DNAH17: variants seen among roughly 807,000 people sequenced by gnomAD.
DNAH17 encodes axonemal beta dynein heavy chain 17.
In DNAH17, 376 loss-of-function variants were observed where a neutral mutation model predicts 485.6. That is an observed-to-expected ratio of 0.77 (90% confidence interval 0.71 to 0.84). DNAH17 has a LOEUF of 0.84. Ranked by LOEUF, DNAH17 falls within the 40% of genes least tolerant of loss-of-function variation. The probability of loss-of-function intolerance (pLI) is 0.00; values close to 1 mark genes in which losing one functional copy is unlikely to be tolerated. For missense variants in DNAH17, 6,370 were observed against 5,839.3 expected, an observed-to-expected ratio of 1.09 and a Z score of -2.96; for synonymous variants, 3,031 against 2,405.9, an observed-to-expected ratio of 1.26 and a Z score of -7.60.
At chr17:78,519,689 G>A (rs1484430904) in intron 25 of DNAH17, among the ~76,000 whole-genome samples, 1 of 152,090 alleles carries the variant, frequency 6.6e-6, no homozygotes, top group Non-Finnish European at 1.5e-5. Context: ...CAATTTAGAA[G>A]AAATAAACCA....
At position 78,475,409 on chromosome 17, in the gene DNAH17, G is replaced by A. The variant is rs757513565; in HGVS notation, c.8380C>T (p.Arg2794Trp). 1.7e-5 allele frequency: 28 copies of A among 1,613,702 alleles called. No homozygotes were observed. The highest frequency in any genetic ancestry group is 1.1e-4 in the East Asian group (5 of 44,892). The change falls in exon 54 of 81, where the codon CGG (arginine) becomes TGG (tryptophan). Residue 2794 changes from arginine (R) to tryptophan (W), a missense_variant. Coordinates refer to ENST00000389840, the MANE Select transcript of DNAH17 (RefSeq NM_173628.4). Reference sequence around the variant, plus strand: ...ACCCCCACCAGCAGGGCATTCCCCCGGGGAGACTCCAGGATGCGATTAATC... The same window carrying A: ...ACCCCCACCAGCAGGGCATTCCCCCAGGGAGACTCCAGGATGCGATTAATC... ...CRINRILESP[R>W]GNALLVGVGG...
Position 78,576,582 on chromosome 17 carries a change from G to A in DNAH17, c.-26+713C>T, listed in dbSNP as rs183649541. On this transcript the variant is annotated intron_variant, in intron 1 of 80. Coordinates refer to ENST00000389840, the MANE Select transcript of DNAH17 (RefSeq NM_173628.4). Reference sequence around the variant, plus strand: ...GAATTAATCTCCACCCAGGATCTCCGAGACCCGGGGACGCGTCACGTCGTC... The same window carrying A: ...GAATTAATCTCCACCCAGGATCTCCAAGACCCGGGGACGCGTCACGTCGTC... Among the ~76,000 whole-genome samples, 54 of 152,264 alleles carry A rather than the reference G, an allele frequency of 3.5e-4. 1 individual carries two copies. Among genetic ancestry groups the A allele is most frequent in the Non-Finnish European group, 7.9e-4 (54 of 68,028 alleles).
At chr17:78,562,638 A>G (rs1363613135) in intron 11 of DNAH17, among the ~76,000 whole-genome samples, 1 of 152,198 alleles carries the variant, frequency 6.6e-6, no homozygotes, top group Non-Finnish European at 1.5e-5. Flanking sequence ...AAACAAACCC[A>G]AAACAACTCC....
intron 19 of DNAH17, among the ~76,000 whole-genome samples, chr17:78,534,099 G>A (rs1239759181): frequency 6.6e-6 from 1 of 152,250 alleles, no homozygotes; most frequent in Non-Finnish European, 1.5e-5. Context: ...CTGGGGGCAT[G>A]CATATGCAAA....
intron 30 of DNAH17, 133 bp downstream of exon 30, chr17:78,506,587 A>C: frequency 7.4e-7 from 1 of 1,343,454 alleles, no homozygotes; most frequent in Non-Finnish European, 1.0e-6. Flanking sequence ...CTTCTGGTGC[A>C]GAGGGCCTCC....
intron 14 of DNAH17, 146 bp from the exon 15 acceptor site, chr17:78,552,951 G>T: frequency 3.1e-6 from 2 of 641,678 alleles, no homozygotes; most frequent in Middle Eastern, 4.3e-4. Flanking sequence ...GTAATCCCCA[G>T]TGTTGGAGGT....
chr17:78,552,625 G>A, intron 15 of DNAH17, 72 bp downstream of exon 15: 1 of 1,103,848 alleles, frequency 9.1e-7, no homozygotes, highest in Non-Finnish European at 1.4e-6. Flanking sequence ...CTCTAGTGGT[G>A]TTTGAGGACA....
At chr17:78,452,899 G>T (rs2087615519) in intron 65 of DNAH17, among the ~76,000 whole-genome samples, 1 of 152,276 alleles carries the variant, frequency 6.6e-6, no homozygotes, top group East Asian at 1.9e-4. Context: ...AAGAAGAGTG[G>T]GTACAGGGCT....
chr17:78,436,589 G>C (rs2086856660), intron 74 of DNAH17, among the ~76,000 whole-genome samples: 1 of 151,264 alleles, frequency 6.6e-6, no homozygotes, highest in South Asian at 2.1e-4. Context: ...GAGGACAAGA[G>C]TGGCCAAGAT....
Position 78,499,008 on chromosome 17 carries a change from C to T in DNAH17, c.5745G>A (p.Gln1915=). Residue 1915 remains glutamine, a splice_region_variant and synonymous_variant, in exon 37 of 81, where the codon CAG becomes CAA. Transcript: ENST00000389840. ...CGAGGCCGCAGGCAGGGGACTTTAC[C>T]TGCACGGCAATCACAGACAAGACTT... ...SVEVLSVIAV[Q]VKCVQDAIRA... 2 of 1,606,386 alleles carry T rather than the reference C, an allele frequency of 1.2e-6. No homozygotes were observed. Among genetic ancestry groups the T allele is most frequent in the Non-Finnish European group, 1.7e-6 (2 of 1,176,642 alleles).
Position 78,450,822 on chromosome 17 carries a change from C to T in DNAH17, c.10759G>A (p.Glu3587Lys), listed in dbSNP as rs752570380. Reference protein sequence around the residue: ...LKANLTKSQNEFKIVLKELED... With the variant: ...LKANLTKSQNKFKIVLKELED... ...AGCTCTTTCAGAACAATCTTAAATT[C>T]GTTTTGAGACTTGGTGAGGTTTGCC... Residue 3587 changes from glutamate to lysine, a missense_variant, in exon 67 of 81, where the codon GAA becomes AAA. Glu to Lys is a moderately conservative substitution (Grantham distance 56). Transcript: ENST00000389840. 3.8e-5 allele frequency: 62 copies of T among 1,613,868 alleles called. No homozygotes were observed. Among genetic ancestry groups the T allele is most frequent in the Middle Eastern group, 1.6e-4 (1 of 6,084 alleles).
At chr17:78,527,146 G>A (rs2091100560) in intron 22 of DNAH17, 150 bp from the exon 23 acceptor site, 1 of 626,550 alleles carries the variant, frequency 1.6e-6, no homozygotes, top group Non-Finnish European at 2.7e-6. Flanking sequence ...ACTTTGGGAG[G>A]CTGAGATGGA....
At position 78,571,096 on chromosome 17, in the gene DNAH17, G is replaced by T. The variant is rs1025769175; in HGVS notation, c.833-63C>A. On this transcript the variant is annotated intron_variant, in intron 5 of 80. Transcript: ENST00000389840. The stretch of plus-strand genomic sequence containing the variant: ...GCAGAAATTGCTCAGAAACGATGAG[G>T]GTGCGGCTCCATGTGCTGAGACCTG... 6 of 1,464,684 alleles carry T rather than the reference G, an allele frequency of 4.1e-6. No individual in the cohort carries two copies. In the African/African-American group the frequency reaches 8.4e-5, roughly 21 times the overall value. 90.7% of individuals were successfully genotyped at this position (1,464,684 alleles called of 1,614,324 possible). A position where few individuals can be genotyped will look rare whatever the true frequency, so the allele number is the denominator to read the frequency against.
intron 2 of DNAH17, among the ~76,000 whole-genome samples, 191 bp downstream of exon 2, chr17:78,574,520 TAA>T (rs1462963739): frequency 6.6e-6 from 1 of 151,412 alleles, no homozygotes; most frequent in Non-Finnish European, 1.5e-5. Flanking sequence ...AAAAAAAATT[TAA>T]AAACCAAAAG....
rs528829290 is a variant in DNAH17, at chr17:78,479,782, G to C, written c.7753-150C>G. Reference sequence around the variant, plus strand: ...TGGGCAGTTACCCTCCTTGTGCCTTGCATGTGGTAAAACTGCATTAAGTAT... The same window carrying C: ...TGGGCAGTTACCCTCCTTGTGCCTTCCATGTGGTAAAACTGCATTAAGTAT... On this transcript the variant is annotated intron_variant, in intron 49 of 80. Coordinates refer to ENST00000389840, the MANE Select transcript of DNAH17 (RefSeq NM_173628.4). 2.4e-5 allele frequency: 25 copies of C among 1,046,556 alleles called. No homozygotes were observed. In the African/African-American group the frequency reaches 3.2e-4, roughly 14 times the overall value. The allele number at this position is 1,046,556 out of a possible 1,614,324, so 64.8% of individuals were successfully genotyped here.
intron 51 of DNAH17, among the ~76,000 whole-genome samples, chr17:78,477,803 G>C (rs931885869): frequency 6.6e-6 from 1 of 152,178 alleles, no homozygotes; most frequent in Non-Finnish European, 1.5e-5. Flanking sequence ...AAATGGGAAT[G>C]TAAGGGGCCA....
chr17:78,503,304 C>T (rs188832488), intron 31 of DNAH17, among the ~76,000 whole-genome samples: 26 of 149,402 alleles, frequency 1.7e-4, no homozygotes, highest in Middle Eastern at 3.5e-3. Context: ...CTCAGCCTCC[C>T]GAGTAGCTGG....
intron 9 of DNAH17, among the ~76,000 whole-genome samples, chr17:78,568,175 G>GA (rs2092298907): frequency 6.6e-6 from 1 of 152,162 alleles, no homozygotes; most frequent in Admixed American, 6.5e-5. Flanking sequence ...TTCCTACCCA[G>GA]AATCTTCCTT....
At chr17:78,550,310 C>G (rs1232582646) in intron 16 of DNAH17, among the ~76,000 whole-genome samples, 2 of 9,426 alleles carry the variant, frequency 2.1e-4, no homozygotes, top group African/African-American at 1.2e-3. Context: ...AGAGGACAGG[C>G]TCATGCAGGA....
Sources: allele counts gnomAD v4.1 joint callset (sites outside exome capture counted in the v4.1 genomes callset), GRCh38; gene constraint gnomAD v4.1.1; transcripts MANE v1.5; gene names NCBI Gene and HGNC (gene_info 2026-07-23, HGNC 2026-07-21).